TNRC6C: variants seen among roughly 807,000 people sequenced by gnomAD.
TNRC6C encodes trinucleotide repeat containing adaptor 6C.
A neutral mutation model predicts 153.7 loss-of-function variants in TNRC6C; 20 were observed. That is an observed-to-expected ratio of 0.13 (90% CI 0.09 to 0.19). The LOEUF (loss-of-function observed/expected upper bound fraction) is 0.19, where lower values mean the gene tolerates loss of function less well. Ranked by LOEUF, TNRC6C falls within the 10% of genes least tolerant of loss-of-function variation. The pLI is 1.00. For synonymous variants in TNRC6C, 811 were observed against 841.4 expected, an observed-to-expected ratio of 0.96 and a Z score of 0.63; for missense variants, 1,987 against 2,172.0, an observed-to-expected ratio of 0.91 and a Z score of 1.69.
At chr17:77,995,861 A>C (rs1038144716) in intron 1 of TNRC6C, among the ~76,000 whole-genome samples, 3 of 152,182 alleles carry the variant, frequency 2.0e-5, no homozygotes, top group African/African-American at 7.2e-5. Context: ...GTGGTACTTA[A>C]AACTCCCATA....
chr17:78,096,703 C>T (rs1164850223), intron 16 of TNRC6C, among the ~76,000 whole-genome samples: 1 of 152,238 alleles, frequency 6.6e-6, no homozygotes, highest in Non-Finnish European at 1.5e-5. Context: ...CTCTGCTAGC[C>T]AGGATACGTG....
At chr17:78,042,336 G>C (rs1244180982) in intron 2 of TNRC6C, among the ~76,000 whole-genome samples, 1 of 152,104 alleles carries the variant, frequency 6.6e-6, no homozygotes, top group Non-Finnish European at 1.5e-5. Context: ...TGAAAACTCA[G>C]ATTTCAGTTC....
At chr17:78,100,792 T>TTTTTTA (rs2073578441) in intron 17 of TNRC6C, among the ~76,000 whole-genome samples, 1 of 125,814 alleles carries the variant, frequency 7.9e-6, no homozygotes, top group African/African-American at 3.1e-5. Flanking sequence ...TTTTTTTTTT[T>TTTTTTA]GAGATGGAGT....
At chr17:78,065,043 C>T (rs1298612904) in intron 4 of TNRC6C, 106 bp downstream of exon 6, 4 of 1,294,286 alleles carry the variant, frequency 3.1e-6, no homozygotes, top group Non-Finnish European at 3.2e-6. Flanking sequence ...TATATTTACA[C>T]TTTAACTACA....
intron 1 of TNRC6C, among the ~76,000 whole-genome samples, chr17:78,013,430 T>C (rs1044370785): frequency 5.9e-5 from 9 of 152,226 alleles, no homozygotes; most frequent in African/African-American, 7.2e-5. Flanking sequence ...GTAGTGATGA[T>C]TGATAGAGTA....
exon 20 of TNRC6C, chr17:78,107,084 G>A (rs1360417311): frequency 2.0e-5 from 3 of 152,068 alleles, no homozygotes; most frequent in South Asian, 2.1e-4. Context: ...ATACACCTGC[G>A]TATGTATATC....
intron 10 of TNRC6C, among the ~76,000 whole-genome samples, chr17:78,082,662 C>T (rs1324879001): frequency 1.3e-5 from 2 of 152,060 alleles, no homozygotes; most frequent in Non-Finnish European, 2.9e-5. Flanking sequence ...GAACAGGCGC[C>T]CCTCATGCAT....
At chr17:78,001,738 CA>C (rs1490387627), upstream of TNRC6C, among the ~76,000 whole-genome samples, 1 of 151,268 alleles carries the variant, frequency 6.6e-6, no homozygotes, top group Non-Finnish European at 1.5e-5. Context: ...CGAGCAGGGA[CA>C]AAAACAAAGA....
rs1385285782 is a variant in TNRC6C at position 78,051,115 on chromosome 17, G to A, written c.2053G>A (p.Val685Met). The change falls in exon 3 of 20, where the codon GTG becomes ATG. Residue 685 changes from valine (V) to methionine (M), a missense_variant. Val to Met is a conservative substitution (Grantham distance 21, BLOSUM62 1). Around this residue, in one of 4 missense-constraint regions of TNRC6C, gnomAD observed 1,052 missense variants for 1,017.0 expected, o/e 1.03. Coordinates refer to ENST00000301624, the Ensembl canonical transcript of TNRC6C. ...GAGTAACTGGGGAGGAGCTGCTTCT[G>A]TGAAACAGACAGGAACAGGGTGGAT... The A allele has an allele frequency of 1.9e-6, 3 of 1,587,640 alleles. No homozygotes were observed. The highest frequency in any genetic ancestry group is 2.6e-6 in the Non-Finnish European group (3 of 1,166,094).
exon 18 of TNRC6C, chr17:78,102,487 C>G: frequency 6.2e-7 from 1 of 1,607,762 alleles, no homozygotes; most frequent in South Asian, 1.1e-5. Context: ...CTGCCTGGAG[C>G]ACCGACACCT....
intron 1 of TNRC6C, among the ~76,000 whole-genome samples, chr17:77,985,613 A>AG: frequency 6.6e-6 from 1 of 151,902 alleles, no homozygotes; most frequent in East Asian, 1.9e-4. Context: ...AAAAAAAAAA[A>AG]AAACCAGCAA....
chr17:78,041,256 G>GGCT (rs1456885718), intron 2 of TNRC6C: 2 of 152,282 alleles, frequency 1.3e-5, no homozygotes, highest in African/African-American at 4.8e-5. Context: ...CTAAGCTCTT[G>GGCT]GCTGCAATTC....
intron 1 of TNRC6C, among the ~76,000 whole-genome samples, chr17:77,959,708 G>A (rs1430564062): frequency 2.0e-5 from 3 of 152,128 alleles, no homozygotes; most frequent in African/African-American, 7.2e-5. Context: ...GCGGGTGGGC[G>A]GAGAAGGACC....
chr17:78,030,510 A>G (rs2072049464), intron 1 of TNRC6C, among the ~76,000 whole-genome samples: 1 of 152,164 alleles, frequency 6.6e-6, no homozygotes, highest in South Asian at 2.1e-4. Context: ...TGACATTGCA[A>G]CGGCTGTGTC....
Position 78,079,422 on chromosome 17 carries a change from G to A in TNRC6C, c.3238G>A (p.Gly1080Ser). ...ACCGAGTGGCAATCTGGGTATGTTT[G>A]GCAATAGTGGAGCAGCACAAGCCAG... Residue 1080 changes from glycine (G) to serine (S), a missense_variant, in exon 10 of 20, where the codon GGC becomes AGC. Physicochemically the swap from Gly to Ser is moderately conservative, Grantham distance 56 (BLOSUM62 0). Coordinates refer to ENST00000301624, the Ensembl canonical transcript of TNRC6C. This position sits in a 1 kb window ranked among gnomAD's most constrained non-coding sequence, Gnocchi z 4.3. 1.2e-6 allele frequency: 2 copies of A among 1,613,878 alleles called. No homozygotes were observed. The highest frequency in any genetic ancestry group is 1.7e-6 in the Non-Finnish European group (2 of 1,179,858).
intron 3 of TNRC6C, among the ~76,000 whole-genome samples, chr17:78,057,026 G>GCATACTA (rs1443314431): frequency 6.6e-6 from 1 of 152,078 alleles, no homozygotes; most frequent in African/African-American, 2.4e-5. Context: ...GCTCTTTGTA[G>GCATACTA]GTGTAGCAAT....
chr17:78,049,620 C>A lies in TNRC6C; in HGVS notation c.558C>A (p.Asn186Lys). ...ACCTTAACACTGATGGACCAAATAACACTAACCCCATGAACTCTTCACCCA... is the reference window on the plus strand; with the variant it reads ...ACCTTAACACTGATGGACCAAATAAAACTAACCCCATGAACTCTTCACCCA... Residue 186 changes from asparagine to lysine, a missense_variant, in exon 3 of 20, where the codon AAC becomes AAA. Around this residue, in one of 4 missense-constraint regions of TNRC6C, gnomAD observed 1,052 missense variants for 1,017.0 expected, o/e 1.03. Coordinates refer to ENST00000301624, the Ensembl canonical transcript of TNRC6C. The surrounding 1 kb of genome is among the most constrained non-coding windows in gnomAD (Gnocchi z 4.1). 1 of 1,614,010 alleles carries A rather than the reference C, an allele frequency of 6.2e-7. No individual in the cohort carries two copies. Among genetic ancestry groups the A allele is most frequent in the South Asian group, 1.1e-5 (1 of 91,082 alleles).
At chr17:77,967,406 G>T (rs571064750) in intron 1 of TNRC6C, among the ~76,000 whole-genome samples, 1 of 152,164 alleles carries the variant, frequency 6.6e-6, no homozygotes, top group Non-Finnish European at 1.5e-5. Context: ...TCATGCGGGG[G>T]GGGAGAGAAG....
intron 4 of TNRC6C, among the ~76,000 whole-genome samples, chr17:78,065,871 G>T (rs1244055641): frequency 6.6e-6 from 1 of 152,126 alleles, no homozygotes; most frequent in Non-Finnish European, 1.5e-5. Context: ...TCTTATATGG[G>T]TGTTTTGCAA....
Sources: gnomAD v4.1 joint callset for allele counts (sites outside exome capture counted in the v4.1 genomes callset) on GRCh38, gnomAD v4.1.1 for gene constraint, gnomAD v4.1.1 regional missense constraint, Gnocchi (gnomAD v3.1) non-coding constraint, MANE v1.5 for transcripts, NCBI Gene and HGNC (gene_info 2026-07-23, HGNC 2026-07-21) for gene names.